Variants in LRP5 observed in about 807,000 individuals in gnomAD.
The protein encoded by LRP5 is low-density lipoprotein receptor-related protein 5.
LRP5 carries 62 observed loss-of-function variants against 154.1 expected under a neutral mutation model. That is an observed-to-expected ratio of 0.40 (90% confidence interval 0.33 to 0.50). The LOEUF (loss-of-function observed/expected upper bound fraction) is 0.50. Among genes scored for constraint, LRP5 ranks in the 20% least tolerant of loss-of-function variants. The pLI is 0.55. For synonymous variants in LRP5, 966 were observed against 1,011.5 expected, an observed-to-expected ratio of 0.96 and a Z score of 0.85; for missense variants, 1,915 against 2,336.7, an observed-to-expected ratio of 0.82 and a Z score of 3.72.
chr11:68,357,203 G>A (rs2098623836), intron 2 of LRP5, among the ~76,000 whole-genome samples: 1 of 152,146 alleles, frequency 6.6e-6, no homozygotes, highest in African/African-American at 2.4e-5. Context: ...CCAAAGTGCT[G>A]GGATTAGAGG....
intron 1 of LRP5, among the ~76,000 whole-genome samples, chr11:68,319,028 C>T (rs1180518510): frequency 6.6e-5 from 10 of 150,928 alleles, no homozygotes; most frequent in East Asian, 2.0e-4. Context: ...CCAGAAGAGG[C>T]GCTGCTTCTG....
chr11:68,436,239 CCAT>C (rs1419302648), intron 18 of LRP5, among the ~76,000 whole-genome samples: 1 of 152,224 alleles, frequency 6.6e-6, no homozygotes, highest in Non-Finnish European at 1.5e-5. Flanking sequence ...CCCTTATCTC[CCAT>C]TCCCAGGGCA....
At chr11:68,366,505 C>T (rs1253076248) in intron 5 of LRP5, among the ~76,000 whole-genome samples, 1 of 152,134 alleles carries the variant, frequency 6.6e-6, no homozygotes, top group Non-Finnish European at 1.5e-5. Context: ...CCTGTTCTTG[C>T]TGGCTAGGGT....
intron 13 of LRP5, among the ~76,000 whole-genome samples, chr11:68,417,826 T>A (rs560701723): frequency 1.1e-4 from 17 of 151,222 alleles, no homozygotes; most frequent in African/African-American, 3.6e-4. Flanking sequence ...TCCCAGCTAC[T>A]CAGGAGGCTG....
intron 1 of LRP5, among the ~76,000 whole-genome samples, chr11:68,340,876 T>C (rs1591194700): frequency 6.6e-6 from 1 of 152,148 alleles, no homozygotes; most frequent in East Asian, 1.9e-4. Context: ...TCTCCGCTGG[T>C]GCTTTCTCAT....
At chr11:68,304,136 C>CCAT in the LRP5 span, among the ~76,000 whole-genome samples, 1 of 152,152 alleles carries the variant, frequency 6.6e-6, no homozygotes, top group Non-Finnish European at 1.5e-5. Flanking sequence ...CATCACAGGC[C>CCAT]CAGAGGATGA....
At chr11:68,308,070 C>T (rs2098585002), upstream of LRP5, among the ~76,000 whole-genome samples, 1 of 152,214 alleles carries the variant, frequency 6.6e-6, no homozygotes, top group Non-Finnish European at 1.5e-5. Flanking sequence ...CCTTCCCTGG[C>T]CTGCTCCTGG....
At chr11:68,325,913 C>T (rs529904112) in intron 1 of LRP5, among the ~76,000 whole-genome samples, 59 of 152,350 alleles carry the variant, frequency 3.9e-4, no homozygotes, top group African/African-American at 1.2e-3. Context: ...TGACGGTTAG[C>T]TGTTAGGGTT....
At chr11:68,438,387 A>T in intron 19 of LRP5, 59 bp from the exon 20 acceptor site, 1 of 1,491,092 alleles carries the variant, frequency 6.7e-7, no homozygotes, top group East Asian at 2.3e-5. Context: ...TCTGCCCCCA[A>T]GGAGGGCCCA....
Position 68,357,820 on chromosome 11 carries a change from A to G in LRP5, c.659A>G (p.His220Arg). The G allele has an allele frequency of 6.2e-7, 1 of 1,613,440 alleles. No individual in the cohort carries two copies. The highest frequency in any genetic ancestry group is 8.5e-7 in the Non-Finnish European group (1 of 1,179,754). The stretch of plus-strand genomic sequence containing the variant: ...GCTGACGCCAAGCTCAGCTTCATCC[A>G]CCGTGCCAACCTGGACGGCTCGTTC... Reference protein sequence around the residue: ...YWADAKLSFIHRANLDGSFRQ... With the variant: ...YWADAKLSFIRRANLDGSFRQ... Residue 220 changes from histidine (H) to arginine (R), a missense_variant, in exon 3 of 23, where the codon CAC (histidine) becomes CGC (arginine). This residue lies in a region of LRP5 where 773 missense variants were observed against 1,100.9 expected (regional missense o/e 0.70). Coordinates refer to ENST00000294304, the MANE Select transcript of LRP5 (RefSeq NM_002335.4).
At chr11:68,365,820 T>C in intron 5 of LRP5, 118 bp downstream of exon 5, 1 of 1,041,896 alleles carries the variant, frequency 9.6e-7, no homozygotes, top group Non-Finnish European at 1.4e-6. Context: ...ATGATCCACT[T>C]GGCGGGTGTG....
Position 68,348,135 on chromosome 11 carries a change from C to CA in LRP5, c.381dup (p.Glu128ArgfsTer24). ...GGCAAGAAGCTGTACTGGACGGACT[C>CA]AGAGACCAACCGCATCGAGGTGGCC... On this transcript the variant is annotated frameshift_variant, in exon 2 of 23. Coordinates refer to ENST00000294304, the MANE Select transcript of LRP5 (RefSeq NM_002335.4). LOFTEE classifies it high-confidence loss of function. 1 of 1,614,102 alleles carries CA rather than the reference C, an allele frequency of 6.2e-7. No homozygotes were observed.
At chr11:68,357,925 G>C in intron 3 of LRP5, 78 bp downstream of exon 3, 1 of 1,351,762 alleles carries the variant, frequency 7.4e-7, no homozygotes, top group Non-Finnish European at 1.0e-6. Context: ...TCTTAACTCA[G>C]GCCTACAGAC....
intron 21 of LRP5, among the ~76,000 whole-genome samples, chr11:68,442,716 A>G (rs956125322): frequency 6.6e-6 from 1 of 152,184 alleles, no homozygotes; most frequent in African/African-American, 2.4e-5. Context: ...CCCTGCCTAG[A>G]GCTCTACCGT....
At chr11:68,404,093 G>A (rs1565080694) in intron 8 of LRP5, 2 of 429,304 alleles carry the variant, frequency 4.7e-6, no homozygotes, top group African/African-American at 2.0e-5. Flanking sequence ...TCCTGGGTCT[G>A]CCTGGGCTGG....
upstream of LRP5, chr11:68,312,460 G>T (rs1347025674): frequency 1.4e-5 from 2 of 147,462 alleles, no homozygotes; most frequent in African/African-American, 4.9e-5. Context: ...CGCTGGGGCC[G>T]CCTGGCCGCC....
intron 22 of LRP5, 56 bp from the exon 23 acceptor site, chr11:68,448,753 C>T (rs1162887382): frequency 1.9e-6 from 3 of 1,596,654 alleles, no homozygotes; most frequent in Non-Finnish European, 2.5e-6. Flanking sequence ...GGCTGCTGTG[C>T]CCACCAGGGC....
intron 5 of LRP5, among the ~76,000 whole-genome samples, chr11:68,380,216 A>G (rs1337929573): frequency 7.4e-4 from 112 of 152,362 alleles, no homozygotes; most frequent in Non-Finnish European, 3.8e-4. Context: ...GGGACAGGCC[A>G]TGAGCTCGGA....
chr11:68,433,932 C>A, intron 18 of LRP5, 94 bp downstream of exon 18: 1 of 1,210,238 alleles, frequency 8.3e-7, no homozygotes, highest in African/African-American at 1.5e-5. Context: ...GGAGTAGGGG[C>A]TCTGAAAACC....
Sources: gnomAD v4.1 joint callset for allele counts (sites outside exome capture counted in the v4.1 genomes callset) on GRCh38, gnomAD v4.1.1 for gene constraint, gnomAD v4.1.1 regional missense constraint, MANE v1.5 for transcripts, NCBI Gene and HGNC (gene_info 2026-07-23, HGNC 2026-07-21) for gene names.